The following ZMYND8 variants were observed in gnomAD, a reference collection of about 807,000 sequenced individuals.
The protein encoded by ZMYND8 is zinc finger MYND-type containing 8.
Under a neutral mutation model 140.8 loss-of-function variants are expected in ZMYND8, and 37 were observed. The ratio of observed to expected loss-of-function variants is 0.26; its 90% CI spans 0.20 to 0.35. The LOEUF is 0.35. Ranked by LOEUF, ZMYND8 falls within the 10% of genes least tolerant of loss-of-function variation. The pLI is 1.00. For synonymous variants in ZMYND8, 592 were observed against 597.1 expected, an observed-to-expected ratio of 0.99 and a Z score of 0.12; for missense variants, 1,068 against 1,570.0, an observed-to-expected ratio of 0.68 and a Z score of 5.40.
chr20:47,302,782 T>C (rs2078162563), intron 3 of ZMYND8, among the ~76,000 whole-genome samples: 1 of 152,136 alleles, frequency 6.6e-6, no homozygotes, highest in Non-Finnish European at 1.5e-5. Context: ...GAACATTATC[T>C]GCAATGCAAA....
rs1388727553 is a variant in ZMYND8, at chr20:47,232,827, G to A, written c.2857-3021C>T. ...TCTAATAATCCTACAGATTGCTTCA[G>A]CAAGAAGTCTCAGTTTGGTGCTGTT... On this transcript the variant is annotated intron_variant, in intron 16 of 22. Transcript: ENST00000471951. Among the ~76,000 whole-genome samples the A allele has an allele frequency of 5.9e-5, 9 of 151,732 alleles. No individual in the cohort carries two copies. The East Asian group carries it at 1.7e-3, about 29-fold the overall frequency.
At chr20:47,312,712 C>A (rs1184416849) in intron 2 of ZMYND8, among the ~76,000 whole-genome samples, 1 of 151,882 alleles carries the variant, frequency 6.6e-6, no homozygotes, top group Non-Finnish European at 1.5e-5. Context: ...ATCACTTGAA[C>A]CCTGGAGTCA....
At chr20:47,316,160 G>A (rs1483648734) in intron 2 of ZMYND8, among the ~76,000 whole-genome samples, 17 of 151,324 alleles carry the variant, frequency 1.1e-4, no homozygotes, top group Admixed American at 5.9e-4. Context: ...GTGAAACCCC[G>A]TCTCTACTAA....
At chr20:47,239,876 T>C (rs1260468590) in intron 14 of ZMYND8, among the ~76,000 whole-genome samples, 3 of 152,200 alleles carry the variant, frequency 2.0e-5, no homozygotes, top group South Asian at 2.1e-4. Flanking sequence ...ACTGTTCTTA[T>C]TGGGTGGTGT....
At position 47,295,263 on chromosome 20, in the gene ZMYND8, C is replaced by T. The variant is rs116093912; in HGVS notation, c.454-484G>A. On this transcript the variant is annotated intron_variant, in intron 4 of 22. Coordinates refer to ENST00000471951, the MANE Select transcript of ZMYND8 (RefSeq NM_001281775.3). ...CAAAAACTAGCCAGGCATGGTGGCA[C>T]GCATCCGTAGTCCCAGCTACTTGGT... Among the ~76,000 whole-genome samples the T allele has an allele frequency of 4.2e-3, 638 of 152,216 alleles. 5 individuals are homozygous for T. Among genetic ancestry groups the T allele is most frequent in the African/African-American group, 0.014 (587 of 41,544 alleles).
intron 15 of ZMYND8, among the ~76,000 whole-genome samples, chr20:47,236,881 C>A (rs969669645): frequency 9.9e-5 from 15 of 152,148 alleles, no homozygotes; most frequent in Non-Finnish European, 1.9e-4. Flanking sequence ...AGAGTAGGGG[C>A]CCAACTTCAT....
chr20:47,305,606 T>G (rs568769034), intron 3 of ZMYND8, among the ~76,000 whole-genome samples: 1 of 150,824 alleles, frequency 6.6e-6, no homozygotes, highest in Non-Finnish European at 1.5e-5. Context: ...AGTGTCCCAG[T>G]TTTTAGGGCA....
intron 14 of ZMYND8, among the ~76,000 whole-genome samples, chr20:47,240,793 A>C: frequency 6.6e-6 from 1 of 151,012 alleles, no homozygotes; most frequent in Non-Finnish European, 1.5e-5. Context: ...TGACCTCATG[A>C]TCCATCCGCC....
At chr20:47,260,646 G>A (rs2075087434) in intron 12 of ZMYND8, among the ~76,000 whole-genome samples, 1 of 152,162 alleles carries the variant, frequency 6.6e-6, no homozygotes, top group African/African-American at 2.4e-5. Context: ...TAAGTGAACT[G>A]TGACATCTGC....
chr20:47,346,111 G>C (rs898543099), intron 2 of ZMYND8, among the ~76,000 whole-genome samples: 4 of 152,150 alleles, frequency 2.6e-5, no homozygotes, highest in African/African-American at 7.2e-5. Flanking sequence ...TGAAGGGACA[G>C]AGCCAGTGTC....
intron 11 of ZMYND8, among the ~76,000 whole-genome samples, chr20:47,271,476 G>A (rs1365597967): frequency 6.6e-6 from 1 of 152,184 alleles, no homozygotes; most frequent in African/African-American, 2.4e-5. Context: ...CACACGATGT[G>A]TAACAGGTAT....
At chr20:47,235,174 G>A (rs2039059408) in intron 16 of ZMYND8, among the ~76,000 whole-genome samples, 1 of 152,146 alleles carries the variant, frequency 6.6e-6, no homozygotes, top group Non-Finnish European at 1.5e-5. Context: ...AATAATTGAA[G>A]CCAATAAAAA....
At position 47,246,280 on chromosome 20, in the gene ZMYND8, G is replaced by A. The variant is rs367967090; in HGVS notation, c.2012C>T (p.Thr671Met). ...PVEIKEELKS[T>M]SPASEKADPG... Reference sequence around the variant, plus strand: ...GTCTGCCTTCTCGCTGGCTGGTGACGTGCTTTTCAGCTCCTCTTTAATCTC... The same window carrying A: ...GTCTGCCTTCTCGCTGGCTGGTGACATGCTTTTCAGCTCCTCTTTAATCTC... Residue 671 changes from threonine (T) to methionine (M), a missense_variant, in exon 14 of 23, where the codon ACG (threonine) becomes ATG (methionine). By Grantham distance (81) the Thr-to-Met change is moderately conservative. This residue lies in a region of ZMYND8 where 383 missense variants were observed against 431.2 expected (regional missense o/e 0.89). Transcript: ENST00000471951. 2.1e-5 allele frequency: 34 copies of A among 1,614,022 alleles called. No homozygotes were observed. The African/African-American group carries it at 2.4e-4, about 11-fold the overall frequency.
At chr20:47,285,922 G>A (rs1451980022) in intron 8 of ZMYND8, 1 of 836,828 alleles carries the variant, frequency 1.2e-6, no homozygotes. Flanking sequence ...CGGGCTTGGT[G>A]GCTGAGGCCT....
At position 47,212,738 on chromosome 20, in the gene ZMYND8, C is replaced by G. The variant is rs757667771; in HGVS notation, c.3485-13G>C. 1 of 1,601,950 alleles carries G rather than the reference C, an allele frequency of 6.2e-7. No individual in the cohort carries two copies. The highest frequency in any genetic ancestry group is 1.7e-5 in the Admixed American group (1 of 59,078). ...CACCTTTTGCTAACTGAAGAGATAG[C>G]ACAGGTAGCCTCAGAGTCTGTCAGA... On this transcript the variant is annotated splice_polypyrimidine_tract_variant and intron_variant, in intron 21 of 22. Coordinates refer to ENST00000471951, the MANE Select transcript of ZMYND8 (RefSeq NM_001281775.3).
At chr20:47,343,650 T>C (rs1322493583) in intron 2 of ZMYND8, among the ~76,000 whole-genome samples, 1 of 152,090 alleles carries the variant, frequency 6.6e-6, no homozygotes, top group Non-Finnish European at 1.5e-5. Flanking sequence ...TAGCTGGGAT[T>C]ATAGGCATAC....
At chr20:47,269,601 C>T (rs554121039) in intron 11 of ZMYND8, among the ~76,000 whole-genome samples, 1 of 152,204 alleles carries the variant, frequency 6.6e-6, no homozygotes. Context: ...TGAAACACAT[C>T]ATTTATTATC....
rs778934700 is a variant in ZMYND8 at position 47,294,784 on chromosome 20, A to G, written c.454-5T>C. On this transcript the variant is annotated splice_region_variant and splice_polypyrimidine_tract_variant and intron_variant, in intron 4 of 22. Coordinates refer to ENST00000471951, the MANE Select transcript of ZMYND8 (RefSeq NM_001281775.3). ...GCATTCTGCTACTGTAATTTTCTAC[A>G]AAGTCAAAGTCATACATAAACGTCC... 1 of 1,613,024 alleles carries G rather than the reference A, an allele frequency of 6.2e-7. No homozygotes were observed. The highest frequency in any genetic ancestry group is 2.2e-5 in the East Asian group (1 of 44,868).
At chr20:47,300,369 A>G (rs1332865969) in intron 3 of ZMYND8, among the ~76,000 whole-genome samples, 1 of 152,196 alleles carries the variant, frequency 6.6e-6, no homozygotes, top group Non-Finnish European at 1.5e-5. Context: ...ACTGTATAAC[A>G]TGTTTCTTTT....
Sources: allele counts gnomAD v4.1 joint callset (sites outside exome capture counted in the v4.1 genomes callset), GRCh38; gene constraint gnomAD v4.1.1; regional missense constraint gnomAD v4.1.1; transcripts MANE v1.5; gene names NCBI Gene and HGNC (gene_info 2026-07-23, HGNC 2026-07-21).